Variants in IKBKB-DT observed in about 807,000 individuals in gnomAD.
The protein encoded by IKBKB-DT is IKBKB antisense RNA.
intron 3 of IKBKB-DT, among the ~76,000 whole-genome samples, chr8:42,241,224 CTTTTTTTTTTTTTTTTTTTTTTTTTTT>C (rs773177896): frequency 5.5e-4 from 25 of 45,694 alleles, no homozygotes; most frequent in Middle Eastern, 0.036. Context: ...ATGTTGGAAT[CTTTTTTTTTTTTTTTTTTTTTTTTTTT>C]TTTTTTTTTT....
intron 3 of IKBKB-DT, among the ~76,000 whole-genome samples, chr8:42,247,227 C>A (rs1302777943): frequency 6.6e-6 from 1 of 152,200 alleles, no homozygotes; most frequent in Non-Finnish European, 1.5e-5. Flanking sequence ...CAAGGCCATG[C>A]ATCAGCGTGT....
intron 3 of IKBKB-DT, among the ~76,000 whole-genome samples, chr8:42,241,547 A>G (rs1171781058): frequency 6.6e-6 from 1 of 152,194 alleles, no homozygotes; most frequent in African/African-American, 2.4e-5. Context: ...TACTAATCAC[A>G]GCAAGAACCA....
At chr8:42,271,250 T>C (rs909333652) in exon 1 of IKBKB-DT, 6 of 689,214 alleles carry the variant, frequency 8.7e-6, no homozygotes, top group South Asian at 3.0e-5. Context: ...GGACCTGGTC[T>C]GCCTCGCGCC....
At chr8:42,268,894 T>G (rs774948909) in intron 1 of IKBKB-DT, among the ~76,000 whole-genome samples, 1 of 152,194 alleles carries the variant, frequency 6.6e-6, no homozygotes, top group Non-Finnish European at 1.5e-5. Flanking sequence ...AAAAATTTAC[T>G]TATTAAGCAA....
At chr8:42,266,319 C>T (rs1206493887) in exon 2 of IKBKB-DT, 1 of 152,358 alleles carries the variant, frequency 6.6e-6, no homozygotes, top group East Asian at 1.9e-4. Context: ...GCTGTCTTCT[C>T]CTTCTATGAT....
intron 3 of IKBKB-DT, among the ~76,000 whole-genome samples, chr8:42,235,249 C>T (rs1359434428): frequency 5.0e-5 from 7 of 139,974 alleles, no homozygotes; most frequent in Admixed American, 1.5e-4. Flanking sequence ...CTGTCACCCA[C>T]GCTGGAGTGC....
At chr8:42,235,936 T>G (rs569934903) in intron 3 of IKBKB-DT, among the ~76,000 whole-genome samples, 2 of 152,028 alleles carry the variant, frequency 1.3e-5, no homozygotes, top group South Asian at 4.2e-4. Flanking sequence ...GAGGATTGCT[T>G]GAACCGGGTG....
chr8:42,264,294 C>G (rs1039463323), intron 2 of IKBKB-DT, among the ~76,000 whole-genome samples: 1 of 151,358 alleles, frequency 6.6e-6, no homozygotes, highest in African/African-American at 2.4e-5. Context: ...GTAGCTGGGA[C>G]TACAGGCACG....
chr8:42,238,239 G>T (rs958311229), intron 3 of IKBKB-DT, among the ~76,000 whole-genome samples: 1 of 152,062 alleles, frequency 6.6e-6, no homozygotes, highest in African/African-American at 2.4e-5. Flanking sequence ...TGAGTGGGGA[G>T]CGTGTGAAAT....
chr8:42,239,314 G>A (rs544222934), intron 3 of IKBKB-DT, among the ~76,000 whole-genome samples: 10 of 151,772 alleles, frequency 6.6e-5, no homozygotes, highest in Admixed American at 2.0e-4. Flanking sequence ...CCCTCATCCC[G>A]CTTCCCATCT....
At chr8:42,235,347 G>A (rs551902381) in intron 3 of IKBKB-DT, among the ~76,000 whole-genome samples, 3 of 151,654 alleles carry the variant, frequency 2.0e-5, no homozygotes, top group South Asian at 2.1e-4. Context: ...TGGGATTACA[G>A]GTGTACACCA....
chr8:42,236,791 ATACT>A (rs1318065470), intron 3 of IKBKB-DT, among the ~76,000 whole-genome samples: 1 of 152,250 alleles, frequency 6.6e-6, no homozygotes, highest in African/African-American at 2.4e-5. Flanking sequence ...CTGTGAAACA[ATACT>A]TAGTTATCCA....
chr8:42,262,817 C>T (rs1807309634), intron 3 of IKBKB-DT, among the ~76,000 whole-genome samples: 1 of 151,770 alleles, frequency 6.6e-6, no homozygotes, highest in Admixed American at 6.6e-5. Context: ...CGGCTCACTG[C>T]ATCCTCAATT....
At chr8:42,254,110 A>C (rs1343472219) in intron 3 of IKBKB-DT, among the ~76,000 whole-genome samples, 1 of 152,250 alleles carries the variant, frequency 6.6e-6, no homozygotes, top group Non-Finnish European at 1.5e-5. Flanking sequence ...GAATGTTAGC[A>C]CAGGTCTTTG....
intron 2 of IKBKB-DT, chr8:42,265,596 G>A (rs1052485128): frequency 6.6e-6 from 1 of 152,236 alleles, no homozygotes; most frequent in African/African-American, 2.4e-5. Context: ...TCAGAACCAA[G>A]GTAAGCCGAA....
chr8:42,234,455 T>C (rs1401162453), intron 3 of IKBKB-DT, among the ~76,000 whole-genome samples: 2 of 152,204 alleles, frequency 1.3e-5, no homozygotes, highest in Admixed American at 1.3e-4. Context: ...ATTATTTCTG[T>C]GATACACAAC....
At chr8:42,235,589 G>A (rs552390062) in intron 3 of IKBKB-DT, among the ~76,000 whole-genome samples, 22 of 152,218 alleles carry the variant, frequency 1.4e-4, no homozygotes, top group African/African-American at 5.1e-4. Flanking sequence ...CAGCATAAGA[G>A]GACAGCTTCG....
At chr8:42,244,415 A>G (rs1242937507) in intron 3 of IKBKB-DT, among the ~76,000 whole-genome samples, 2 of 152,212 alleles carry the variant, frequency 1.3e-5, no homozygotes, top group African/African-American at 4.8e-5. Context: ...TGGTTAACAG[A>G]CAGACACATA....
At chr8:42,247,178 G>T (rs1353055839) in intron 3 of IKBKB-DT, among the ~76,000 whole-genome samples, 1 of 152,200 alleles carries the variant, frequency 6.6e-6, no homozygotes, top group African/African-American at 2.4e-5. Context: ...GTCGGAGGGG[G>T]TGGGCTGTAC....
Sources: allele counts gnomAD v4.1 joint callset (sites outside exome capture counted in the v4.1 genomes callset), GRCh38; gene constraint gnomAD v4.1.1; transcripts MANE v1.5; gene names NCBI Gene and HGNC (gene_info 2026-07-23, HGNC 2026-07-21).